The following DAB1 variants were observed in gnomAD, a reference collection of about 807,000 sequenced individuals.
DAB1 encodes the protein DAB adaptor protein 1, also known as disabled homolog 1.
In DAB1, 15 loss-of-function variants were observed where a neutral mutation model predicts 64.6. The ratio of observed to expected loss-of-function variants is 0.23; its 90% confidence interval spans 0.16 to 0.36. The LOEUF (loss-of-function observed/expected upper bound fraction) is 0.36, where lower values mean the gene tolerates loss of function less well. DAB1 is among the 10% of genes least tolerant of loss of function. The pLI, the probability that DAB1 is intolerant of heterozygous loss-of-function variation, is 1.00. For missense variants in DAB1, 596 were observed against 706.7 expected (o/e 0.84, Z 1.78); for synonymous variants, 235 against 251.9 (o/e 0.93, Z 0.64).
At chr1:57,458,638 A>C (rs988890769) in intron 7 of DAB1, among the ~76,000 whole-genome samples, 1 of 152,162 alleles carries the variant, frequency 6.6e-6, no homozygotes. Context: ...ACAATGATTT[A>C]TACATTATAA....
intron 2 of DAB1, among the ~76,000 whole-genome samples, chr1:57,154,283 C>A (rs1416495535): frequency 6.6e-6 from 1 of 152,188 alleles, no homozygotes; most frequent in Non-Finnish European, 1.5e-5. Context: ...TAAGTAAGAA[C>A]ATGCAATGTT....
intron 3 of DAB1, among the ~76,000 whole-genome samples, chr1:58,352,808 C>G (rs6661462): frequency 0.098 from 14,835 of 152,058 alleles, 846 homozygotes; most frequent in Middle Eastern, 0.17. Context: ...TGAATGGGAT[C>G]AGTGCTCTTA....
At chr1:57,477,131 G>GACAA (rs1157948813) in intron 7 of DAB1, among the ~76,000 whole-genome samples, 1 of 152,200 alleles carries the variant, frequency 6.6e-6, no homozygotes, top group Non-Finnish European at 1.5e-5. Context: ...TTGTCAGCGA[G>GACAA]ACAAAGATCT....
chr1:58,356,128 G>T (rs758767867), intron 3 of DAB1, among the ~76,000 whole-genome samples: 1 of 152,164 alleles, frequency 6.6e-6, no homozygotes, highest in Non-Finnish European at 1.5e-5. Flanking sequence ...TGATGGCTGA[G>T]GACTCCAGAG....
At chr1:57,787,829 C>A (rs1039856197) in intron 6 of DAB1, among the ~76,000 whole-genome samples, 1 of 149,072 alleles carries the variant, frequency 6.7e-6, no homozygotes. Flanking sequence ...AATAAGACAA[C>A]ACAATTTTTA....
intron 6 of DAB1, among the ~76,000 whole-genome samples, chr1:57,770,523 G>T (rs375045248): frequency 6.6e-6 from 1 of 151,968 alleles, no homozygotes; most frequent in African/African-American, 2.4e-5. Context: ...CAAAGCATTG[G>T]GATTGCAGGC....
At chr1:57,634,252 G>A (rs1334379924) in intron 7 of DAB1, among the ~76,000 whole-genome samples, 3 of 152,198 alleles carry the variant, frequency 2.0e-5, no homozygotes, top group African/African-American at 7.2e-5. Flanking sequence ...CTGGCACACA[G>A]CATTGTGCTG....
At chr1:57,925,644 G>A (rs145087848) in intron 5 of DAB1, among the ~76,000 whole-genome samples, 7 of 152,260 alleles carry the variant, frequency 4.6e-5, no homozygotes, top group Non-Finnish European at 8.8e-5. Flanking sequence ...TCCATCATCT[G>A]GTCCAATTCT....
At chr1:58,516,305 A>G (rs757357702) in intron 2 of DAB1, among the ~76,000 whole-genome samples, 20 of 152,248 alleles carry the variant, frequency 1.3e-4, no homozygotes, top group Non-Finnish European at 2.5e-4. Flanking sequence ...TAAAACTGAT[A>G]GTTTAGTTGC....
intron 4 of DAB1, among the ~76,000 whole-genome samples, chr1:57,123,241 G>C (rs971253800): frequency 1.3e-5 from 2 of 151,994 alleles, no homozygotes; most frequent in Non-Finnish European, 2.9e-5. Context: ...GGAATGATAG[G>C]CCAAGTCCTA....
chr1:57,339,455 G>T (rs1441349699), intron 1 of DAB1, among the ~76,000 whole-genome samples: 2 of 152,120 alleles, frequency 1.3e-5, no homozygotes, highest in Non-Finnish European at 2.9e-5. Context: ...GTGCCTGGCC[G>T]GCTTCTTTCT....
intron 5 of DAB1, chr1:58,048,626 C>T (rs1647405940): frequency 1.7e-6 from 2 of 1,148,748 alleles, no homozygotes; most frequent in African/African-American, 3.0e-5. Flanking sequence ...ACCATGACCA[C>T]TAAAGTTTCC....
At chr1:57,013,072 A>C (rs1646313060) in intron 12 of DAB1, among the ~76,000 whole-genome samples, 1 of 152,230 alleles carries the variant, frequency 6.6e-6, no homozygotes, top group Non-Finnish European at 1.5e-5. Flanking sequence ...TCTCTCATAG[A>C]GTGATTAGAG....
rs2100624123 is a variant in DAB1 at position 58,097,404 on chromosome 1, T to A, written n.387+53107A>T. On this transcript the variant is annotated intron_variant and non_coding_transcript_variant, in intron 5 of 20. Transcript: ENST00000485760. ...GGAAATACAAAAGGTAAGCCATTAA[T>A]TTTAAGATGATGGTTTAATCACAGT... Among the ~76,000 whole-genome samples, 4 of 152,320 alleles carry A rather than the reference T, an allele frequency of 2.6e-5. No homozygotes were observed. In the Middle Eastern group the frequency reaches 0.01, roughly 389 times the overall value.
In DAB1 at chr1:57,123,373, C is replaced by T. The variant is rs1656838717; in HGVS notation, c.306+13170G>A. Among the ~76,000 whole-genome samples, 6 of 152,092 alleles carry T rather than the reference C, an allele frequency of 3.9e-5. No homozygotes were observed. The South Asian group carries it at 1.2e-3, about 32-fold the overall frequency. On this transcript the variant is annotated intron_variant, in intron 4 of 14. Transcript: ENST00000371236. ...CCTACTTTACAATTATATTGCTGCC[C>T]TATAGTGACCATTATGAGCAGATTC...
At chr1:58,494,214 T>A (rs1425863216) in intron 3 of DAB1, among the ~76,000 whole-genome samples, 1 of 152,182 alleles carries the variant, frequency 6.6e-6, no homozygotes, top group African/African-American at 2.4e-5. Context: ...TGGCTAGCCA[T>A]ATGGAGAAAG....
intron 3 of DAB1, among the ~76,000 whole-genome samples, chr1:58,353,518 GGTTA>G (rs1192165111): frequency 6.6e-6 from 1 of 152,170 alleles, no homozygotes; most frequent in Non-Finnish European, 1.5e-5. Context: ...AAAATGGCAA[GGTTA>G]GTTAGTTGTT....
rs550760873 is a variant in DAB1, at chr1:57,746,804, T to C, written n.552-97139A>G. Among the ~76,000 whole-genome samples, 9 of 152,336 alleles carry C rather than the reference T, an allele frequency of 5.9e-5. No homozygotes were observed. The East Asian group carries it at 1.7e-3, about 29-fold the overall frequency. On this transcript the variant is annotated intron_variant and non_coding_transcript_variant, in intron 6 of 20. Coordinates refer to the DAB1 transcript ENST00000485760. ...ATTGTTATTCCTTCCCCTTCATATTTTCAATCTGTGATTGGTTGAACCCAT... is the reference window on the plus strand; with the variant it reads ...ATTGTTATTCCTTCCCCTTCATATTCTCAATCTGTGATTGGTTGAACCCAT...
chr1:57,300,028 G>C (rs1293132158), intron 1 of DAB1, among the ~76,000 whole-genome samples: 1 of 152,026 alleles, frequency 6.6e-6, no homozygotes, highest in Non-Finnish European at 1.5e-5. Context: ...CTGCGTGTCT[G>C]TCTCCCCGGC....
Sources: allele counts gnomAD v4.1 joint callset (sites outside exome capture counted in the v4.1 genomes callset), GRCh38; gene constraint gnomAD v4.1.1; transcripts MANE v1.5; gene names NCBI Gene and HGNC (gene_info 2026-07-23, HGNC 2026-07-21).